The following FGD4 variants were observed in gnomAD, a reference collection of about 807,000 sequenced individuals.
FGD4 encodes FYVE, RhoGEF and PH domain-containing protein 4.
Under a neutral mutation model 102.0 loss-of-function variants are expected in FGD4, and 42 were observed. The ratio of observed to expected loss-of-function variants is 0.41; its 90% CI spans 0.32 to 0.53. The LOEUF (loss-of-function observed/expected upper bound fraction) is 0.53. Among genes scored for constraint, FGD4 ranks in the 20% least tolerant of loss-of-function variants. The pLI, the probability that FGD4 is intolerant of heterozygous loss-of-function variation, is 0.21. For missense variants in FGD4, 902 were observed against 1,078.2 expected, an observed-to-expected ratio of 0.84 and a Z score of 2.29; for synonymous variants, 380 against 375.7, an observed-to-expected ratio of 1.01 and a Z score of -0.13.
intron 7 of FGD4, among the ~76,000 whole-genome samples, chr12:32,603,082 C>T (rs944787164): frequency 6.6e-6 from 1 of 152,178 alleles, no homozygotes; most frequent in Non-Finnish European, 1.5e-5. Context: ...CAATATAGCT[C>T]TGTTCCCTCC....
intron 4 of FGD4, among the ~76,000 whole-genome samples, chr12:32,597,377 A>G (rs1012392667): frequency 2.6e-5 from 4 of 152,222 alleles, no homozygotes; most frequent in Non-Finnish European, 5.9e-5. Context: ...ATGCCATGGT[A>G]GAGAAATAAG....
At position 32,606,830 on chromosome 12, in the gene FGD4, G is replaced by A. The variant is rs376430330; in HGVS notation, c.1405-1127G>A. Among the ~76,000 whole-genome samples the A allele has an allele frequency of 2.4e-4, 37 of 152,166 alleles. No homozygotes were observed. In the East Asian group the frequency reaches 4.0e-3, roughly 17 times the overall value. ...CAGTTTCTTGGAAGCAAGTGATACG[G>A]TCTTAATTTTGCCCTAAGAAATGGA... is the stretch of plus-strand genomic sequence containing the variant. On this transcript the variant is annotated intron_variant, in intron 7 of 16. Coordinates refer to ENST00000534526, the MANE Select transcript of FGD4 (RefSeq NM_001370298.3).
At chr12:32,478,712 C>G (rs1036373633) in intron 1 of FGD4, among the ~76,000 whole-genome samples, 19 of 152,210 alleles carry the variant, frequency 1.2e-4, no homozygotes, top group Admixed American at 6.5e-4. Flanking sequence ...TGTGCTTCCT[C>G]CTTTTTCTCT....
intron 1 of FGD4, among the ~76,000 whole-genome samples, chr12:32,437,303 T>C (rs1942265481): frequency 6.6e-6 from 1 of 152,086 alleles, no homozygotes; most frequent in South Asian, 2.1e-4. Flanking sequence ...AAATGACTGT[T>C]CATTGAGGCA....
intron 1 of FGD4, among the ~76,000 whole-genome samples, chr12:32,530,460 G>A (rs895541521): frequency 3.3e-5 from 5 of 152,146 alleles, no homozygotes; most frequent in Admixed American, 6.6e-5. Flanking sequence ...TCCAACCTGG[G>A]TGACAGAGAC....
chr12:32,488,290 T>A (rs1943976105), intron 1 of FGD4, among the ~76,000 whole-genome samples: 1 of 152,174 alleles, frequency 6.6e-6, no homozygotes, highest in African/African-American at 2.4e-5. Context: ...TCTTGTGGAA[T>A]GAATAGAACT....
At chr12:32,635,314 C>T (rs145329170) in intron 15 of FGD4, among the ~76,000 whole-genome samples, 254 of 152,164 alleles carry the variant, frequency 1.7e-3, no homozygotes, top group African/African-American at 5.8e-3. Context: ...TATAATGAGT[C>T]GGGGAACTTG....
At chr12:32,634,740 C>T (rs1387190761) in intron 15 of FGD4, among the ~76,000 whole-genome samples, 1 of 152,140 alleles carries the variant, frequency 6.6e-6, no homozygotes, top group Non-Finnish European at 1.5e-5. Context: ...CCTGTAATCC[C>T]AGCACTTTGG....
rs1951382623 is a variant in FGD4, at chr12:32,645,931, G to A, written c.*5398G>A. 6.6e-6 allele frequency: 1 copy of A among 152,072 alleles called. No homozygotes were observed. The highest frequency in any genetic ancestry group is 2.1e-4 in the South Asian group (1 of 4,828). The allele number at this position is 152,072 out of a possible 1,614,324, so 9.4% of individuals were successfully genotyped here. On this transcript the variant is annotated 3_prime_UTR_variant, in exon 17 of 17. Coordinates refer to ENST00000534526, the MANE Select transcript of FGD4 (RefSeq NM_001370298.3). ...TACTTGCAGATAATGTATATATTGT[G>A]TAATATATGTATATTTGGTCATAAA...
intron 4 of FGD4, among the ~76,000 whole-genome samples, chr12:32,594,432 T>C (rs752529071): frequency 6.6e-6 from 1 of 152,118 alleles, no homozygotes; most frequent in Admixed American, 6.5e-5. Context: ...CAAGATCAGG[T>C]CTCCCACTGA....
chr12:32,452,757 G>T (rs972636259), intron 1 of FGD4, among the ~76,000 whole-genome samples: 2 of 152,146 alleles, frequency 1.3e-5, no homozygotes, highest in Non-Finnish European at 2.9e-5. Context: ...GGCCGAAGCA[G>T]GAAGATCATG....
intron 1 of FGD4, among the ~76,000 whole-genome samples, chr12:32,411,500 C>G (rs531519700): frequency 5.9e-5 from 9 of 152,134 alleles, no homozygotes; most frequent in Admixed American, 5.9e-4. Context: ...CGCCGCCACA[C>G]TCCAGCCTGG....
chr12:32,559,332 A>C (rs771360641), intron 1 of FGD4, among the ~76,000 whole-genome samples: 3 of 152,192 alleles, frequency 2.0e-5, no homozygotes, highest in Non-Finnish European at 2.9e-5. Flanking sequence ...AACCTATACC[A>C]GTGGTCCGTA....
chr12:32,504,379 T>C (rs1938502459), intron 1 of FGD4, among the ~76,000 whole-genome samples: 1 of 152,166 alleles, frequency 6.6e-6, no homozygotes, highest in Non-Finnish European at 1.5e-5. Flanking sequence ...ATGAAGGACC[T>C]GGTGAGATGT....
At chr12:32,438,089 G>A (rs1369262120) in intron 1 of FGD4, among the ~76,000 whole-genome samples, 1 of 152,134 alleles carries the variant, frequency 6.6e-6, no homozygotes, top group Non-Finnish European at 1.5e-5. Context: ...ACTGGGTTTC[G>A]CTGTGTTGGC....
chr12:32,576,273 A>C lies in FGD4; in HGVS notation c.327A>C (p.Pro109=). The C allele has an allele frequency of 4.4e-6, 7 of 1,597,900 alleles. No individual in the cohort carries two copies. The highest frequency in any genetic ancestry group is 6.0e-6 in the Non-Finnish European group (7 of 1,170,666). Reference sequence around the variant, plus strand: ...TCTATTCTTTTTCTACAGTGCCTCCAAAGCCATTACACCTGCAGAATTCAC... The same window carrying C: ...TCTATTCTTTTTCTACAGTGCCTCCCAAGCCATTACACCTGCAGAATTCAC... ...SAASPKPQVP[P]KPLHLQNSPS... is the part of the protein sequence containing the mutation. The change falls in exon 3 of 17, where the codon CCA becomes CCC. Residue 109 remains proline (P), a synonymous_variant. Coordinates refer to ENST00000534526, the MANE Select transcript of FGD4 (RefSeq NM_001370298.3).
At chr12:32,464,428 C>T (rs1943197387) in intron 1 of FGD4, among the ~76,000 whole-genome samples, 1 of 152,174 alleles carries the variant, frequency 6.6e-6, no homozygotes, top group African/African-American at 2.4e-5. Flanking sequence ...GCTAGGATTA[C>T]AGACGTGAGC....
intron 4 of FGD4, among the ~76,000 whole-genome samples, chr12:32,590,649 T>C (rs61926176): frequency 0.011 from 1,701 of 152,302 alleles, 18 homozygotes; most frequent in South Asian, 0.056. Flanking sequence ...TTTGGGCAAG[T>C]TACTTAACCT....
chr12:32,613,004 A>G lies in FGD4; in HGVS notation c.1749+1721A>G, dbSNP rs2136791539. Among the ~76,000 whole-genome samples, 2 of 152,276 alleles carry G rather than the reference A, an allele frequency of 1.3e-5. 1 individual carries two copies. The highest frequency in any genetic ancestry group is 4.1e-4 in the South Asian group (2 of 4,826). On this transcript the variant is annotated intron_variant, in intron 10 of 16. Transcript: ENST00000534526. ...CCTTTCTATATCTAATAAGATGATAATAAGAATCATAATAATATGCATTGA... is the reference window on the plus strand; with the variant it reads ...CCTTTCTATATCTAATAAGATGATAGTAAGAATCATAATAATATGCATTGA...
Sources: allele counts gnomAD v4.1 joint callset (sites outside exome capture counted in the v4.1 genomes callset), GRCh38; gene constraint gnomAD v4.1.1; transcripts MANE v1.5; gene names NCBI Gene and HGNC (gene_info 2026-07-23, HGNC 2026-07-21).